APLF: variants seen among roughly 807,000 people sequenced by gnomAD.
APLF encodes the protein aprataxin and PNKP like factor.
APLF carries 61 observed loss-of-function variants against 55.6 expected under a neutral mutation model. That is an observed-to-expected ratio of 1.10 (90% CI 0.89 to 1.36). The LOEUF (loss-of-function observed/expected upper bound fraction) is 1.36, where lower values mean the gene tolerates loss of function less well. APLF is among the 40% of genes most tolerant of loss of function. APLF has a pLI of 0.00. For synonymous variants in APLF, 207 were observed against 214.8 expected, an observed-to-expected ratio of 0.96 and a Z score of 0.32; for missense variants, 611 against 602.5, an observed-to-expected ratio of 1.01 and a Z score of -0.15.
intron 1 of APLF, among the ~76,000 whole-genome samples, chr2:68,483,542 G>T (rs991226056): frequency 2.0e-5 from 3 of 151,962 alleles, no homozygotes; most frequent in African/African-American, 7.3e-5. Context: ...CTTTTTGGGG[G>T]GCAAAGGCAC....
intron 8 of APLF, among the ~76,000 whole-genome samples, chr2:68,554,291 G>C (rs1391176920): frequency 6.6e-6 from 1 of 151,914 alleles, no homozygotes; most frequent in Non-Finnish European, 1.5e-5. Flanking sequence ...TTTAGAAAAG[G>C]ATCTGTAATT....
chr2:68,518,530 A>T (rs1310956718), intron 5 of APLF, among the ~76,000 whole-genome samples: 1 of 117,706 alleles, frequency 8.5e-6, no homozygotes. Flanking sequence ...TATATTATAT[A>T]TTAATATATA....
Position 68,541,354 on chromosome 2 carries a change from G to A in APLF, c.1160+3127G>A, listed in dbSNP as rs149095820. Among the ~76,000 whole-genome samples the A allele has an allele frequency of 5.5e-3, 835 of 151,962 alleles. 4 individuals are homozygous for A. The highest frequency in any genetic ancestry group is 0.019 in the African/African-American group (798 of 41,450). Reference sequence around the variant, plus strand: ...AATATAATATTAGAAGGGTGAAAAGGCAAGGCACAAAGTAGATGAGGATAT... The same window carrying A: ...AATATAATATTAGAAGGGTGAAAAGACAAGGCACAAAGTAGATGAGGATAT... On this transcript the variant is annotated intron_variant, in intron 7 of 9. Transcript: ENST00000303795.
At position 68,565,249 on chromosome 2, in the gene APLF, A is replaced by T. The variant is rs576135642; in HGVS notation, c.1287-2092A>T. Among the ~76,000 whole-genome samples, 7 of 152,162 alleles carry T rather than the reference A, an allele frequency of 4.6e-5. No individual in the cohort carries two copies. The East Asian group carries it at 1.2e-3, about 25-fold the overall frequency. ...TTTCTTGGTTTTATCAAGTAATTTA[A>T]ATTTATGTATTTATAATACTTCCTA... On this transcript the variant is annotated intron_variant, in intron 8 of 9. Coordinates refer to ENST00000303795, the MANE Select transcript of APLF (RefSeq NM_173545.3).
intron 8 of APLF, among the ~76,000 whole-genome samples, chr2:68,545,744 T>C (rs890870499): frequency 6.6e-6 from 1 of 152,176 alleles, no homozygotes; most frequent in African/African-American, 2.4e-5. Context: ...AGAATACTTC[T>C]CCTCTCAGTT....
At chr2:68,483,249 C>T in intron 1 of APLF, among the ~76,000 whole-genome samples, 1 of 152,180 alleles carries the variant, frequency 6.6e-6, no homozygotes, top group East Asian at 1.9e-4. Flanking sequence ...CCAGGTAGCT[C>T]TCCAAACAGC....
intron 5 of APLF, among the ~76,000 whole-genome samples, chr2:68,517,733 C>G (rs1669666689): frequency 6.9e-6 from 1 of 144,144 alleles, no homozygotes; most frequent in Non-Finnish European, 1.5e-5. Flanking sequence ...TAATATATAA[C>G]TAATATATCA....
At chr2:68,551,930 G>A (rs191333680) in intron 8 of APLF, among the ~76,000 whole-genome samples, 189 of 152,138 alleles carry the variant, frequency 1.2e-3, no homozygotes, top group Non-Finnish European at 2.2e-3. Flanking sequence ...TCTCTGTCCA[G>A]TCAGAAATTT....
At chr2:68,565,641 A>G (rs1671289176) in intron 8 of APLF, among the ~76,000 whole-genome samples, 1 of 152,110 alleles carries the variant, frequency 6.6e-6, no homozygotes, top group Non-Finnish European at 1.5e-5. Context: ...AGATGGTTCT[A>G]TGTTGTTAGA....
chr2:68,513,886 A>AT (rs574082183), intron 5 of APLF, among the ~76,000 whole-genome samples: 1 of 151,438 alleles, frequency 6.6e-6, no homozygotes, highest in Non-Finnish European at 1.5e-5. Flanking sequence ...TACCACCCTA[A>AT]TTTTTTTTCA....
At chr2:68,569,463 TA>T (rs1391320534) in intron 9 of APLF, among the ~76,000 whole-genome samples, 1 of 152,002 alleles carries the variant, frequency 6.6e-6, no homozygotes, top group African/African-American at 2.4e-5. Context: ...AGAAGTGTTG[TA>T]GTTGGAGTTA....
At chr2:68,497,506 C>G (rs1193561093) in intron 2 of APLF, among the ~76,000 whole-genome samples, 1 of 152,102 alleles carries the variant, frequency 6.6e-6, no homozygotes, top group African/African-American at 2.4e-5. Flanking sequence ...TTGCCTTCCA[C>G]CATGATTGAA....
intron 8 of APLF, among the ~76,000 whole-genome samples, chr2:68,560,626 A>T (rs951272233): frequency 6.6e-6 from 1 of 152,098 alleles, no homozygotes; most frequent in Non-Finnish European, 1.5e-5. Flanking sequence ...AGCTCACAAA[A>T]ATCTGATGTG....
intron 1 of APLF, among the ~76,000 whole-genome samples, chr2:68,475,458 G>A (rs957183530): frequency 3.3e-5 from 5 of 152,162 alleles, no homozygotes; most frequent in Non-Finnish European, 7.3e-5. Context: ...GTGTTTGTGA[G>A]GTTGCCTGAT....
chr2:68,496,775 T>C (rs1306385267), intron 2 of APLF, among the ~76,000 whole-genome samples: 1 of 152,200 alleles, frequency 6.6e-6, no homozygotes, highest in Non-Finnish European at 1.5e-5. Flanking sequence ...TTTGCTCTAG[T>C]TCCCGATAAG....
At chr2:68,547,912 A>G (rs143929482) in intron 8 of APLF, among the ~76,000 whole-genome samples, 73 of 151,964 alleles carry the variant, frequency 4.8e-4, no homozygotes, top group African/African-American at 1.7e-3. Context: ...AATCTCCAAT[A>G]TCTAACAGAC....
At chr2:68,495,368 G>A (rs1193833530) in intron 2 of APLF, among the ~76,000 whole-genome samples, 3 of 152,166 alleles carry the variant, frequency 2.0e-5, no homozygotes, top group Non-Finnish European at 4.4e-5. Flanking sequence ...GGGTCTGTAG[G>A]CCCAACACAA....
chr2:68,523,037 A>G (rs1274785489), intron 5 of APLF, among the ~76,000 whole-genome samples: 2 of 151,962 alleles, frequency 1.3e-5, no homozygotes, highest in Non-Finnish European at 2.9e-5. Context: ...GACACTGTAA[A>G]TAAAGTCAGA....
At chr2:68,518,402 ATATATTATATAT>A (rs1204462743) in intron 5 of APLF, among the ~76,000 whole-genome samples, 1 of 98,080 alleles carries the variant, frequency 1.0e-5, no homozygotes, top group Admixed American at 1.3e-4. Flanking sequence ...ATATATAACA[ATATATTATATAT>A]TATATAATAA....
Sources: gnomAD v4.1 joint callset for allele counts (sites outside exome capture counted in the v4.1 genomes callset) on GRCh38, gnomAD v4.1.1 for gene constraint, MANE v1.5 for transcripts, NCBI Gene and HGNC (gene_info 2026-07-23, HGNC 2026-07-21) for gene names.